AAK1: variants seen among roughly 807,000 people sequenced by gnomAD.
AAK1 encodes the protein AP2-associated protein kinase 1.
Under a neutral mutation model 116.0 loss-of-function variants are expected in AAK1, and 37 were observed. That is an observed-to-expected ratio of 0.32 (90% CI 0.25 to 0.42). AAK1 has a LOEUF of 0.42. Ranked by LOEUF, AAK1 falls within the 10% of genes least tolerant of loss-of-function variation. The pLI is 1.00. For synonymous variants in AAK1, 458 were observed against 439.9 expected, an observed-to-expected ratio of 1.04 and a Z score of -0.51; for missense variants, 919 against 1,170.6, an observed-to-expected ratio of 0.79 and a Z score of 3.14.
Position 69,518,950 on chromosome 2 carries a change from T to C in AAK1, c.1497+4A>G. ...AAGCAAGGGCCACACTCTGACCACC[T>C]TACCTGCTGAGTCTGGGCCTGCTGC... is the stretch of plus-strand genomic sequence containing the variant. On this transcript the variant is annotated splice_donor_region_variant and intron_variant, in intron 12 of 21. Coordinates refer to ENST00000409085, the MANE Select transcript of AAK1 (RefSeq NM_014911.5). 6.5e-7 allele frequency: 1 copy of C among 1,539,972 alleles called. No homozygotes were observed. Among genetic ancestry groups the C allele is most frequent in the African/African-American group, 1.4e-5 (1 of 73,020 alleles).
intron 18 of AAK1, 73 bp from the exon 19 acceptor site, chr2:69,481,034 T>G (rs1675069772): frequency 8.1e-7 from 1 of 1,239,368 alleles, no homozygotes; most frequent in Admixed American, 2.7e-5. Flanking sequence ...GGAAATTCTG[T>G]GAAGCTTTCT....
At chr2:69,509,544 CA>C (rs1558921283) in intron 13 of AAK1, 84 bp from the exon 14 acceptor site, 1 of 1,212,936 alleles carries the variant, frequency 8.2e-7, no homozygotes, top group Non-Finnish European at 1.1e-6. Context: ...GTAACAACAA[CA>C]ACAAAAAATG....
intron 2 of AAK1, among the ~76,000 whole-genome samples, chr2:69,562,847 A>G (rs6739139): frequency 0.035 from 5,273 of 152,202 alleles, 327 homozygotes; most frequent in African/African-American, 0.12. Flanking sequence ...CTGAGATCGC[A>G]CCACTGCACT....
intron 6 of AAK1, chr2:69,531,532 A>G: frequency 3.1e-6 from 3 of 975,526 alleles, no homozygotes; most frequent in Non-Finnish European, 3.7e-6. Flanking sequence ...GGAGTCACAA[A>G]TCTAAAGAAG....
chr2:69,527,138 A>G, intron 9 of AAK1, 78 bp downstream of exon 9: 1 of 1,026,636 alleles, frequency 9.7e-7, no homozygotes, highest in East Asian at 2.6e-5. Context: ...ATTCATTTAA[A>G]CAGCTGATTA....
At chr2:69,562,606 G>A (rs1291365444) in intron 2 of AAK1, among the ~76,000 whole-genome samples, 1 of 152,082 alleles carries the variant, frequency 6.6e-6, no homozygotes, top group Non-Finnish European at 1.5e-5. Context: ...AAAAAACAAA[G>A]ACAGGCCAGA....
rs570960834 is a variant in AAK1, at chr2:69,575,439, G to A, written c.164-18461C>T. ...AATATTTTTTAAAAATTGAAATTAG[G>A]GCAAATAAAATCCAAGATAAACAAA... On this transcript the variant is annotated intron_variant, in intron 2 of 21. Coordinates refer to ENST00000409085, the MANE Select transcript of AAK1 (RefSeq NM_014911.5). 2.0e-5 allele frequency among the ~76,000 whole-genome samples: 3 copies of A among 151,710 alleles called. No homozygotes were observed. The East Asian group carries it at 5.8e-4, about 29-fold the overall frequency.
In AAK1 at chr2:69,548,162, T is replaced by C. The variant is rs549492222; in HGVS notation, c.283-3618A>G. 4.5e-4 allele frequency among the ~76,000 whole-genome samples: 69 copies of C among 152,276 alleles called. 1 individual carries two copies. The highest frequency in any genetic ancestry group is 1.3e-3 in the African/African-American group (53 of 41,532). ...AAGAAAAAAGTGTTCTAAAATTAGA[T>C]AGTGGTGATGGTTGCACAACCTTGT... On this transcript the variant is annotated intron_variant, in intron 3 of 21. Transcript: ENST00000409085.
intron 2 of AAK1, among the ~76,000 whole-genome samples, chr2:69,601,355 T>C (rs759789679): frequency 6.6e-6 from 1 of 152,200 alleles, no homozygotes; most frequent in African/African-American, 2.4e-5. Flanking sequence ...AGTTGTCTGA[T>C]AAGATAAGTC....
intron 3 of AAK1, among the ~76,000 whole-genome samples, chr2:69,553,083 G>A (rs553745549): frequency 2.0e-4 from 31 of 151,880 alleles, no homozygotes; most frequent in African/African-American, 7.2e-4. Context: ...TCAGAAAAAG[G>A]GGAAAAAAAT....
At chr2:69,547,338 A>G (rs78716961) in intron 3 of AAK1, among the ~76,000 whole-genome samples, 1,567 of 152,314 alleles carry the variant, frequency 0.01, 29 homozygotes, top group African/African-American at 0.036. Context: ...TATGGAATGG[A>G]AGAAAATATT....
chr2:69,541,192 T>C (rs962490451), intron 5 of AAK1, among the ~76,000 whole-genome samples: 2 of 151,922 alleles, frequency 1.3e-5, no homozygotes, highest in African/African-American at 4.8e-5. Context: ...TACACAACTT[T>C]GTAAGTATAC....
chr2:69,498,078 T>C (rs1434278280), intron 16 of AAK1, among the ~76,000 whole-genome samples: 5 of 126,870 alleles, frequency 3.9e-5, no homozygotes, highest in African/African-American at 1.5e-4. Context: ...TCCCTGGACA[T>C]CCCTGTCTTT....
Position 69,527,125 on chromosome 2 carries a change from T to C in AAK1, c.975+91A>G, listed in dbSNP as rs1043837039. On this transcript the variant is annotated intron_variant, in intron 9 of 21. Coordinates refer to ENST00000409085, the MANE Select transcript of AAK1 (RefSeq NM_014911.5). ...CCCAGTAGATAAAGCAAGGGACATCTAAATTCATTTAAACAGCTGATTAAC... is the reference window on the plus strand; with the variant it reads ...CCCAGTAGATAAAGCAAGGGACATCCAAATTCATTTAAACAGCTGATTAAC... 9.8e-6 allele frequency: 9 copies of C among 917,990 alleles called. No individual in the cohort carries two copies. The African/African-American group carries it at 1.5e-4, about 15-fold the overall frequency. The allele number at this position is 917,990 out of a possible 1,614,324, so 56.9% of individuals were successfully genotyped here. A position where few individuals can be genotyped will look rare whatever the true frequency, so the allele number is the denominator to read the frequency against.
At chr2:69,603,420 C>G (rs1395117059) in intron 2 of AAK1, among the ~76,000 whole-genome samples, 1 of 152,128 alleles carries the variant, frequency 6.6e-6, no homozygotes, top group Non-Finnish European at 1.5e-5. Flanking sequence ...AAGGCAATTC[C>G]TCTGTTAGCT....
At position 69,466,652 on chromosome 2, in the gene AAK1, A is replaced by G; in HGVS notation, c.*9217T>C. 1 of 1,086,966 alleles carries G rather than the reference A, an allele frequency of 9.2e-7. No homozygotes were observed. Among genetic ancestry groups the G allele is most frequent in the Non-Finnish European group, 1.1e-6 (1 of 888,478 alleles). 67.3% of individuals were successfully genotyped at this position (1,086,966 alleles called of 1,614,324 possible). A position where few individuals can be genotyped will look rare whatever the true frequency, so the allele number is the denominator to read the frequency against. ...GGCAAAAACATTGTGGGACCAAATA[A>G]TAGATGTTGAAAATGCAACAGGAAA... On this transcript the variant is annotated 3_prime_UTR_variant, in exon 22 of 22. Transcript: ENST00000409085.
intron 2 of AAK1, among the ~76,000 whole-genome samples, chr2:69,574,340 T>C (rs552559906): frequency 1.2e-4 from 16 of 134,542 alleles, no homozygotes; most frequent in Non-Finnish European, 2.1e-4. Context: ...ATCACACCAC[T>C]GCACTTCAGA....
intron 2 of AAK1, among the ~76,000 whole-genome samples, chr2:69,577,970 A>G (rs766304355): frequency 6.6e-6 from 1 of 152,198 alleles, no homozygotes; most frequent in Non-Finnish European, 1.5e-5. Context: ...CAGTCTCCCA[A>G]GACAACATGA....
chr2:69,539,469 A>C (rs930083670), intron 5 of AAK1, among the ~76,000 whole-genome samples: 2 of 152,144 alleles, frequency 1.3e-5, no homozygotes, highest in Non-Finnish European at 2.9e-5. Flanking sequence ...GGTGCCCACC[A>C]GCCACATTTC....
Sources: allele counts gnomAD v4.1 joint callset (sites outside exome capture counted in the v4.1 genomes callset), GRCh38; gene constraint gnomAD v4.1.1; transcripts MANE v1.5; gene names NCBI Gene and HGNC (gene_info 2026-07-23, HGNC 2026-07-21).